MAD2L1BP: variants seen among roughly 807,000 people sequenced by gnomAD.
The protein encoded by MAD2L1BP is MAD2L1 binding protein.
A neutral mutation model predicts 28.4 loss-of-function variants in MAD2L1BP; 22 were observed. The observed-to-expected ratio is 0.77, with a 90% confidence interval of 0.55 to 1.10. The LOEUF is 1.10. MAD2L1BP is among the 50% of genes least tolerant of loss of function. MAD2L1BP has a pLI of 0.00. For synonymous variants in MAD2L1BP, 146 were observed against 133.7 expected, an observed-to-expected ratio of 1.09 and a Z score of -0.63; for missense variants, 325 against 350.5, an observed-to-expected ratio of 0.93 and a Z score of 0.58.
intron 2 of MAD2L1BP, among the ~76,000 whole-genome samples, chr6:43,637,419 T>C (rs1244970610): frequency 2.0e-5 from 3 of 151,432 alleles, no homozygotes; most frequent in African/African-American, 2.4e-5. Flanking sequence ...GGACTTCTTT[T>C]TTCTTCTTTT....
chr6:43,640,352 C>A lies in MAD2L1BP; in HGVS notation c.644C>A (p.Ala215Glu). The A allele has an allele frequency of 6.2e-7, 1 of 1,613,886 alleles. No individual in the cohort carries two copies. The highest frequency in any genetic ancestry group is 1.1e-5 in the South Asian group (1 of 91,048). ...CCACTCATGGGCACCGTCGTCATGGCACAGGGACACCGCAACTGTGGAGAA... is the reference window on the plus strand; with the variant it reads ...CCACTCATGGGCACCGTCGTCATGGAACAGGGACACCGCAACTGTGGAGAA... ...APPLMGTVVM[A>E]QGHRNCGEDW... Residue 215 changes from alanine (A) to glutamate (E), a missense_variant, in exon 3 of 3, where the codon GCA becomes GAA. By Grantham distance (107) the Ala-to-Glu change is moderately radical. Transcript: ENST00000372171.
chr6:43,629,807 G>C (rs1420544431), intron 1 of MAD2L1BP: 1 of 1,557,492 alleles, frequency 6.4e-7, no homozygotes, highest in Non-Finnish European at 8.7e-7. Flanking sequence ...GGCGGATGGT[G>C]ATTAGCCAAA....
At chr6:43,638,785 A>G (rs912587903) in intron 2 of MAD2L1BP, among the ~76,000 whole-genome samples, 2 of 151,706 alleles carry the variant, frequency 1.3e-5, no homozygotes, top group Non-Finnish European at 1.5e-5. Context: ...GAAAGAGCGA[A>G]ACTCTGTCTC....
intron 2 of MAD2L1BP, among the ~76,000 whole-genome samples, chr6:43,637,425 CTTTT>C (rs766935941): frequency 7.7e-6 from 1 of 130,044 alleles, no homozygotes; most frequent in African/African-American, 2.8e-5. Context: ...CTTTTTTCTT[CTTTT>C]TTTTTTTTTT....
upstream of MAD2L1BP, among the ~76,000 whole-genome samples, chr6:43,634,969 G>A (rs1164161374): frequency 2.0e-5 from 3 of 152,100 alleles, no homozygotes. Flanking sequence ...ACCCCACTGT[G>A]ACTACGCTAG....
At chr6:43,629,812 G>A in intron 1 of MAD2L1BP, 1 of 1,553,796 alleles carries the variant, frequency 6.4e-7, no homozygotes, top group Non-Finnish European at 8.7e-7. Flanking sequence ...ATGGTGATTA[G>A]CCAAATTACG....
chr6:43,634,590 T>C (rs139901206), upstream of MAD2L1BP, among the ~76,000 whole-genome samples: 1,401 of 152,198 alleles, frequency 9.2e-3, 19 homozygotes, highest in African/African-American at 0.032. Context: ...AGATGGAGTC[T>C]CACTCTGTCA....
intron 1 of MAD2L1BP, among the ~76,000 whole-genome samples, chr6:43,630,077 A>C (rs1043346331): frequency 1.3e-5 from 2 of 152,194 alleles, no homozygotes; most frequent in African/African-American, 2.4e-5. Context: ...AGACTGTAGG[A>C]GGGGCCTGGC....
intron 2 of MAD2L1BP, among the ~76,000 whole-genome samples, chr6:43,637,739 T>C (rs1407441400): frequency 1.3e-5 from 2 of 151,896 alleles, no homozygotes; most frequent in African/African-American, 2.4e-5. Flanking sequence ...CCTGGGATTA[T>C]AGGCATGCGC....
At chr6:43,637,265 A>G (rs569275139) in intron 2 of MAD2L1BP, among the ~76,000 whole-genome samples, 26 of 151,762 alleles carry the variant, frequency 1.7e-4, no homozygotes, top group Admixed American at 1.5e-3. Flanking sequence ...GGGTTTCACC[A>G]TGTTGACCAG....
rs879415236 is a variant in MAD2L1BP at position 43,640,345 on chromosome 6, G to A, written c.637G>A (p.Val213Ile). The part of the protein sequence containing the change: ...LQAPPLMGTV[V>I]MAQGHRNCGE... ...GGCTCCTCCACTCATGGGCACCGTC[G>A]TCATGGCACAGGGACACCGCAACTG... is the stretch of plus-strand genomic sequence containing the variant. The change falls in exon 3 of 3, where the codon GTC becomes ATC. Residue 213 changes from valine (V) to isoleucine (I), a missense_variant. Physicochemically the swap from Val to Ile is conservative, Grantham distance 29. Transcript: ENST00000372171. 1.4e-5 allele frequency: 22 copies of A among 1,613,718 alleles called. No homozygotes were observed. In the Middle Eastern group the frequency reaches 1.2e-3, roughly 84 times the overall value.
At chr6:43,630,464 G>C (rs556516903) in intron 1 of MAD2L1BP, among the ~76,000 whole-genome samples, 1 of 152,182 alleles carries the variant, frequency 6.6e-6, no homozygotes, top group African/African-American at 2.4e-5. Context: ...ACTCAGCCGG[G>C]TGCGGTGCCT....
In MAD2L1BP at chr6:43,636,466, C is replaced by T. The variant is rs773279201; in HGVS notation, c.132C>T (p.Asn44=). 11 of 1,614,192 alleles carry T rather than the reference C, an allele frequency of 6.8e-6. No individual in the cohort carries two copies. The South Asian group carries it at 9.9e-5, about 14-fold the overall frequency. ...LETSSTQEPL[N]ASEAFCPRDC... The stretch of plus-strand genomic sequence containing the variant: ...CAAGCTCTACGCAGGAACCTCTCAA[C>T]GCTTCGGAGGCCTTTTGCCCAAGAG... Residue 44 remains asparagine, a synonymous_variant, in exon 2 of 3, where the codon AAC becomes AAT. Coordinates refer to ENST00000372171, the MANE Select transcript of MAD2L1BP (RefSeq NM_014628.3).
Position 43,636,641 on chromosome 6 carries a change from C to A in MAD2L1BP, c.307C>A (p.Pro103Thr). The A allele has an allele frequency of 6.2e-7, 1 of 1,612,020 alleles. No individual in the cohort carries two copies. The highest frequency in any genetic ancestry group is 1.1e-5 in the South Asian group (1 of 91,066). Reference protein sequence around the residue: ...QLKHFYRKPSPQAEEMLKKKP... With the variant: ...QLKHFYRKPSTQAEEMLKKKP... ...TAAGCACTTTTACCGAAAACCTTCT[C>A]CCCAGGTAGGCACAGGCTTTGGGAG... Residue 103 changes from proline (P) to threonine (T), a missense_variant, in exon 2 of 3, where the codon CCC (proline) becomes ACC (threonine). Transcript: ENST00000372171.
At chr6:43,635,243 C>G (rs1770133195), upstream of MAD2L1BP, among the ~76,000 whole-genome samples, 1 of 152,188 alleles carries the variant, frequency 6.6e-6, no homozygotes, top group South Asian at 2.1e-4. Context: ...ACAGCCTTAA[C>G]TCTTTATAAT....
Position 43,640,663 on chromosome 6 carries a change from C to A in MAD2L1BP, c.*130C>A. On this transcript the variant is annotated 3_prime_UTR_variant, in exon 3 of 3. Coordinates refer to ENST00000372171, the MANE Select transcript of MAD2L1BP (RefSeq NM_014628.3). ...AGGAAGCAACTCTCCTTCTGGTTGT[C>A]TGCCTCCCCTCAGATTTCCTGATAG... The A allele has an allele frequency of 1.0e-6, 1 of 966,356 alleles. No individual in the cohort carries two copies. Among genetic ancestry groups the A allele is most frequent in the Non-Finnish European group, 1.5e-6 (1 of 672,230 alleles). The allele number at this position is 966,356 out of a possible 1,614,324, so 59.9% of individuals were successfully genotyped here. A position where few individuals can be genotyped will look rare whatever the true frequency, so the allele number is the denominator to read the frequency against.
chr6:43,632,416 C>A (rs544253199), upstream of MAD2L1BP, among the ~76,000 whole-genome samples: 3 of 151,940 alleles, frequency 2.0e-5, no homozygotes, highest in African/African-American at 7.2e-5. Context: ...TGCCACCATG[C>A]CTGGCTAAGT....
Position 43,640,634 on chromosome 6 carries a change from A to G in MAD2L1BP, c.*101A>G, listed in dbSNP as rs1770510825. ...TTGGAGCTAGAGTTGCTTCCTGGTG[A>G]GAGAGGAAGCAACTCTCCTTCTGGT... On this transcript the variant is annotated 3_prime_UTR_variant, in exon 3 of 3. Coordinates refer to ENST00000372171, the MANE Select transcript of MAD2L1BP (RefSeq NM_014628.3). 7 of 1,313,088 alleles carry G rather than the reference A, an allele frequency of 5.3e-6. No homozygotes were observed. Among genetic ancestry groups the G allele is most frequent in the Non-Finnish European group, 7.2e-6 (7 of 973,162 alleles). 81.3% of individuals were successfully genotyped at this position (1,313,088 alleles called of 1,614,324 possible). A position where few individuals can be genotyped will look rare whatever the true frequency, so the allele number is the denominator to read the frequency against.
chr6:43,630,113 C>G (rs548839096), intron 1 of MAD2L1BP, among the ~76,000 whole-genome samples: 3 of 152,194 alleles, frequency 2.0e-5, no homozygotes, highest in Non-Finnish European at 2.9e-5. Flanking sequence ...GGCTAGGGCT[C>G]GGGTTACACC....
Sources: gnomAD v4.1 joint callset for allele counts (sites outside exome capture counted in the v4.1 genomes callset) on GRCh38, gnomAD v4.1.1 for gene constraint, MANE v1.5 for transcripts, NCBI Gene and HGNC (gene_info 2026-07-23, HGNC 2026-07-21) for gene names.